KCNT2: variants seen among roughly 807,000 people sequenced by gnomAD.
The protein encoded by KCNT2 is potassium sodium-activated channel subfamily T member 2, also known as potassium channel subfamily T member 2.
Under a neutral mutation model 153.8 loss-of-function variants are expected in KCNT2, and 67 were observed. The ratio of observed to expected loss-of-function variants is 0.44; its 90% CI spans 0.36 to 0.53. KCNT2 has a LOEUF of 0.53. Ranked by LOEUF, KCNT2 falls within the 20% of genes least tolerant of loss-of-function variation. The pLI is 0.00. For missense variants in KCNT2, 975 were observed against 1,354.8 expected, an observed-to-expected ratio of 0.72 and a Z score of 4.40; for synonymous variants, 500 against 458.8, an observed-to-expected ratio of 1.09 and a Z score of -1.15.
intron 14 of KCNT2, among the ~76,000 whole-genome samples, chr1:196,361,820 T>C (rs1255940484): frequency 2.0e-5 from 3 of 152,116 alleles, no homozygotes; most frequent in Non-Finnish European, 4.4e-5. Context: ...TTATATCAAA[T>C]AAAGTTCAAG....
chr1:196,559,940 A>C (rs939445745), intron 1 of KCNT2, among the ~76,000 whole-genome samples: 4 of 151,808 alleles, frequency 2.6e-5, no homozygotes, highest in Non-Finnish European at 5.9e-5. Flanking sequence ...TTTTCTTAGA[A>C]AGACTGCTTC....
intron 1 of KCNT2, among the ~76,000 whole-genome samples, chr1:196,513,892 T>G (rs1403673439): frequency 6.6e-6 from 1 of 152,212 alleles, no homozygotes; most frequent in Non-Finnish European, 1.5e-5. Context: ...ACATTGATAT[T>G]TTGTATATTT....
intron 3 of KCNT2, 110 bp downstream of exon 3, chr1:196,489,728 T>G: frequency 1.5e-6 from 1 of 646,270 alleles, no homozygotes; most frequent in Non-Finnish European, 2.7e-6. Flanking sequence ...GACAAACACC[T>G]AAAATACCCT....
At chr1:196,550,914 T>A (rs1657812105) in intron 1 of KCNT2, among the ~76,000 whole-genome samples, 1 of 151,812 alleles carries the variant, frequency 6.6e-6, no homozygotes, top group Non-Finnish European at 1.5e-5. Context: ...TTCCTGAAAA[T>A]TTTCTAAATA....
chr1:196,301,487 T>G (rs1320855947), intron 22 of KCNT2, among the ~76,000 whole-genome samples: 1 of 152,198 alleles, frequency 6.6e-6, no homozygotes, highest in Non-Finnish European at 1.5e-5. Context: ...GTAGCTACTT[T>G]CAGAAAATCT....
intron 1 of KCNT2, among the ~76,000 whole-genome samples, chr1:196,604,977 C>G (rs1424246128): frequency 6.6e-6 from 1 of 152,148 alleles, no homozygotes; most frequent in Non-Finnish European, 1.5e-5. Context: ...ATGGAATACA[C>G]ATTTCCTACA....
intron 1 of KCNT2, among the ~76,000 whole-genome samples, chr1:196,551,963 T>A (rs1311197550): frequency 6.6e-6 from 1 of 151,548 alleles, no homozygotes; most frequent in Non-Finnish European, 1.5e-5. Context: ...GAGTATATAA[T>A]GGAAAAGGAA....
chr1:196,541,502 A>G (rs1656362942), intron 1 of KCNT2, among the ~76,000 whole-genome samples: 1 of 152,158 alleles, frequency 6.6e-6, no homozygotes, highest in African/African-American at 2.4e-5. Flanking sequence ...GTCCATATAC[A>G]AAGTCTTATT....
chr1:196,581,072 A>G (rs1294014139), intron 1 of KCNT2, among the ~76,000 whole-genome samples: 1 of 152,068 alleles, frequency 6.6e-6, no homozygotes, highest in Non-Finnish European at 1.5e-5. Flanking sequence ...TATTTACAAA[A>G]CGTACAGTTT....
chr1:196,525,118 A>T (rs570120651), intron 1 of KCNT2, among the ~76,000 whole-genome samples: 1 of 152,300 alleles, frequency 6.6e-6, no homozygotes, highest in Admixed American at 6.5e-5. Context: ...ATCACAAAAA[A>T]AGTAGCTATT....
At chr1:196,492,216 A>G (rs1679909670) in intron 2 of KCNT2, 46 bp downstream of exon 2, 1 of 1,355,436 alleles carries the variant, frequency 7.4e-7, no homozygotes, top group South Asian at 1.5e-5. Flanking sequence ...AAATATTTTG[A>G]AGTAAATATA....
chr1:196,312,169 A>G (rs1466457107), intron 21 of KCNT2, among the ~76,000 whole-genome samples: 1 of 151,728 alleles, frequency 6.6e-6, no homozygotes, highest in African/African-American at 2.4e-5. Flanking sequence ...AGAGAGGTAC[A>G]ACAGGATCTA....
intron 25 of KCNT2, among the ~76,000 whole-genome samples, chr1:196,274,728 T>C (rs1302044265): frequency 2.6e-5 from 4 of 151,878 alleles, no homozygotes; most frequent in Non-Finnish European, 5.9e-5. Context: ...ATTCCACAAA[T>C]GTACTGCATA....
intron 1 of KCNT2, among the ~76,000 whole-genome samples, chr1:196,551,693 G>A (rs1416960): frequency 0.78 from 117,854 of 151,430 alleles, 49,386 homozygotes; most frequent in East Asian, 0.97. Flanking sequence ...AATATGGAAC[G>A]ACTCTTTTTT....
At chr1:196,239,127 GGTAAATTA>G (rs1384205890) in intron 26 of KCNT2, among the ~76,000 whole-genome samples, 7 of 151,296 alleles carry the variant, frequency 4.6e-5, no homozygotes, top group Non-Finnish European at 1.0e-4. Flanking sequence ...AATTTTATTT[GGTAAATTA>G]GCTTCATGAA....
chr1:196,453,571 T>G (rs2148627437), intron 8 of KCNT2, among the ~76,000 whole-genome samples: 1 of 152,108 alleles, frequency 6.6e-6, no homozygotes, highest in East Asian at 1.9e-4. Context: ...ACAGTCTGAC[T>G]TCTCAGATTG....
At chr1:196,285,803 T>G in intron 22 of KCNT2, 45 bp from the exon 23 acceptor site, 1 of 1,091,128 alleles carries the variant, frequency 9.2e-7, no homozygotes, top group Non-Finnish European at 1.4e-6. Flanking sequence ...CATTCCACAT[T>G]TTATGCATTT....
At chr1:196,290,975 A>G (rs1334669124) in intron 22 of KCNT2, among the ~76,000 whole-genome samples, 3 of 152,148 alleles carry the variant, frequency 2.0e-5, no homozygotes, top group Non-Finnish European at 4.4e-5. Flanking sequence ...AAGACTCAGC[A>G]TTCAGGGCAT....
chr1:196,280,551 T>G (rs1658999905), intron 25 of KCNT2, among the ~76,000 whole-genome samples: 1 of 152,204 alleles, frequency 6.6e-6, no homozygotes, highest in Non-Finnish European at 1.5e-5. Flanking sequence ...ACCTCAAGGT[T>G]ATTTGTAATT....
Sources: allele counts gnomAD v4.1 joint callset (sites outside exome capture counted in the v4.1 genomes callset), GRCh38; gene constraint gnomAD v4.1.1; transcripts MANE v1.5; gene names NCBI Gene and HGNC (gene_info 2026-07-23, HGNC 2026-07-21).